ZNF516: variants seen among roughly 807,000 people sequenced by gnomAD.
The protein encoded by ZNF516 is zinc finger protein 516.
ZNF516 carries 19 observed loss-of-function variants against 79.7 expected under a neutral mutation model. The ratio of observed to expected loss-of-function variants is 0.24; its 90% CI spans 0.17 to 0.35. The LOEUF is 0.35. Among genes scored for constraint, ZNF516 ranks in the 10% least tolerant of loss-of-function variants. ZNF516 has a pLI of 1.00. For synonymous variants in ZNF516, 877 were observed against 739.5 expected, an observed-to-expected ratio of 1.19 and a Z score of -3.02; for missense variants, 1,678 against 1,679.5, an observed-to-expected ratio of 1.00 and a Z score of 0.02.
rs373540251 is a variant in ZNF516 at position 76,360,646 on chromosome 18, A to AAAATATATATATAT, written c.*1851_*1852insATATATATATATTT. 3.2e-4 allele frequency: 23 copies of AAAATATATATATAT among 72,456 alleles called. No individual in the cohort carries two copies. The highest frequency in any genetic ancestry group is 4.9e-4 in the Non-Finnish European group (18 of 36,922). The allele number at this position is 72,456 out of a possible 1,614,324, so 4.5% of individuals were successfully genotyped here. A position where few individuals can be genotyped will look rare whatever the true frequency, so the allele number is the denominator to read the frequency against. ...AAAAAAATAAGTAAAAAAAAAAAAA[A>AAAATATATATATAT]ATATATATATATATATATATATATA... On this transcript the variant is annotated 3_prime_UTR_variant, in exon 7 of 7. Transcript: ENST00000443185.
chr18:76,447,095 G>A (rs1401779397), intron 2 of ZNF516, among the ~76,000 whole-genome samples: 2 of 152,176 alleles, frequency 1.3e-5, no homozygotes, highest in East Asian at 3.9e-4. Flanking sequence ...GGGTTACTCA[G>A]TGGCCAAATC....
chr18:76,428,593 A>G (rs1462375448), intron 3 of ZNF516, among the ~76,000 whole-genome samples: 1 of 152,226 alleles, frequency 6.6e-6, no homozygotes, highest in East Asian at 1.9e-4. Context: ...CCACACAGGG[A>G]GATTCCCAAG....
intron 2 of ZNF516, among the ~76,000 whole-genome samples, 173 bp from the exon 3 acceptor site, chr18:76,443,384 T>A (rs950372058): frequency 2.6e-5 from 4 of 152,150 alleles, no homozygotes; most frequent in African/African-American, 7.2e-5. Context: ...TAGTAAAAAA[T>A]CAGTATCACT....
At chr18:76,495,765 G>A, upstream of ZNF516, 1 of 1,155,132 alleles carries the variant, frequency 8.7e-7, no homozygotes, top group South Asian at 1.6e-5. Context: ...CTGAAATGGG[G>A]ACACCCCTTC....
At chr18:76,470,667 T>C (rs1000392028) in intron 1 of ZNF516, among the ~76,000 whole-genome samples, 1 of 152,248 alleles carries the variant, frequency 6.6e-6, no homozygotes, top group African/African-American at 2.4e-5. Flanking sequence ...GGACTTCTTA[T>C]CTATGATTTT....
At chr18:76,421,770 T>C (rs1341218842) in intron 3 of ZNF516, among the ~76,000 whole-genome samples, 1 of 152,230 alleles carries the variant, frequency 6.6e-6, no homozygotes, top group East Asian at 1.9e-4. Context: ...TCTTTGATTT[T>C]ACCTACAGTA....
At chr18:76,401,775 T>A (rs1389165836) in intron 3 of ZNF516, among the ~76,000 whole-genome samples, 9 of 2,710 alleles carry the variant, frequency 3.3e-3, no homozygotes, top group Admixed American at 0.011. Flanking sequence ...GCTCCATCTC[T>A]CCACCAACCA....
rs1442706724 is a variant in ZNF516 at position 76,379,093 on chromosome 18, G to A, written c.3021C>T (p.Ala1007=). 2 of 1,611,320 alleles carry A rather than the reference G, an allele frequency of 1.2e-6. No homozygotes were observed. Among genetic ancestry groups the A allele is most frequent in the Non-Finnish European group, 1.7e-6 (2 of 1,179,644 alleles). Residue 1007 remains alanine (A), a synonymous_variant, in exon 4 of 7, where the codon GCC becomes GCT. Transcript: ENST00000443185. ...AGGTGGCCAGAGTCCTCAGCTCCTGGGCTGCCTTCGAGGGGGGCTCGCGGG... is the reference window on the plus strand; with the variant it reads ...AGGTGGCCAGAGTCCTCAGCTCCTGAGCTGCCTTCGAGGGGGGCTCGCGGG... ...LPPREPPSKA[A]QELRTLATCA... is the part of the protein sequence containing the mutation.
In ZNF516 at chr18:76,403,853, T is replaced by TA. The variant is rs750605267; in HGVS notation, c.1811-23551dup. Among the ~76,000 whole-genome samples the TA allele has an allele frequency of 7.2e-5, 11 of 152,320 alleles. 1 individual carries two copies. The South Asian group carries it at 1.0e-3, about 14-fold the overall frequency. ...CAAAACTAAAAGATGCAGCTGCCAG[T>TA]AATGAAATACTTATGATTTTTAAAA... On this transcript the variant is annotated intron_variant, in intron 3 of 6. Transcript: ENST00000443185.
chr18:76,379,317 G>A lies in ZNF516; in HGVS notation c.2797C>T (p.Pro933Ser), dbSNP rs749196173. 5 of 1,601,764 alleles carry A rather than the reference G, an allele frequency of 3.1e-6. No homozygotes were observed. In the Admixed American group the frequency reaches 5.1e-5, roughly 16 times the overall value. ...GGFSRSATPT[P>S]TVIARAGAQP... ...GCGCCAGCCCGGGCGATGACGGTGG[G>A]CGTAGGGGTGGCGCTCCTGCTGAAG... Residue 933 changes from proline (P) to serine (S), a missense_variant, in exon 4 of 7, where the codon CCC (proline) becomes TCC (serine). Physicochemically the swap from Pro to Ser is moderately conservative, Grantham distance 74. Coordinates refer to ENST00000443185, the MANE Select transcript of ZNF516 (RefSeq NM_014643.4).
chr18:76,375,736 G>A (rs961803784), intron 4 of ZNF516, among the ~76,000 whole-genome samples: 3 of 145,768 alleles, frequency 2.1e-5, no homozygotes, highest in African/African-American at 5.1e-5. Context: ...ACCAGGTAGA[G>A]GATGGATGGG....
At chr18:76,439,094 T>C (rs2075781024) in intron 3 of ZNF516, among the ~76,000 whole-genome samples, 1 of 152,248 alleles carries the variant, frequency 6.6e-6, no homozygotes, top group Non-Finnish European at 1.5e-5. Context: ...GATTTAAATA[T>C]GAGATTCAAA....
intron 2 of ZNF516, among the ~76,000 whole-genome samples, chr18:76,452,576 C>G (rs968559751): frequency 9.2e-5 from 14 of 152,174 alleles, no homozygotes; most frequent in Admixed American, 9.2e-4. Flanking sequence ...AAGTAGGTTA[C>G]CTTTTATGCA....
intron 1 of ZNF516, among the ~76,000 whole-genome samples, chr18:76,470,931 AAG>A (rs1297699602): frequency 1.3e-5 from 2 of 152,194 alleles, no homozygotes; most frequent in Non-Finnish European, 2.9e-5. Context: ...AAAAAGAAAA[AAG>A]AAAAACAGTT....
At chr18:76,480,059 C>T (rs1396453360) in intron 1 of ZNF516, among the ~76,000 whole-genome samples, 1 of 148,626 alleles carries the variant, frequency 6.7e-6, no homozygotes, top group Non-Finnish European at 1.5e-5. Flanking sequence ...GGCGGGGCGC[C>T]CCTAGAGCTA....
chr18:76,402,924 T>G (rs2075250997), intron 3 of ZNF516, among the ~76,000 whole-genome samples: 1 of 152,198 alleles, frequency 6.6e-6, no homozygotes, highest in Non-Finnish European at 1.5e-5. Flanking sequence ...GATCCACTGG[T>G]TGTGCCACAG....
chr18:76,490,654 A>C, intron 1 of ZNF516: 1 of 500,634 alleles, frequency 2.0e-6, no homozygotes, highest in African/African-American at 2.1e-5. Context: ...CCCATGGTGA[A>C]CGTACATCAC....
chr18:76,476,498 T>C (rs1044986391), intron 1 of ZNF516, among the ~76,000 whole-genome samples: 4 of 152,016 alleles, frequency 2.6e-5, no homozygotes, highest in South Asian at 2.1e-4. Flanking sequence ...CATCCAGGAG[T>C]TGCAGGACAG....
intron 3 of ZNF516, among the ~76,000 whole-genome samples, chr18:76,392,548 C>CAGGTGGGAAGGT (rs2075089900): frequency 8.2e-6 from 1 of 121,936 alleles, no homozygotes; most frequent in Non-Finnish European, 1.7e-5. Flanking sequence ...GATGGGAAGG[C>CAGGTGGGAAGGT]AGGTGGCCAC....
Sources: allele counts gnomAD v4.1 joint callset (sites outside exome capture counted in the v4.1 genomes callset), GRCh38; gene constraint gnomAD v4.1.1; transcripts MANE v1.5; gene names NCBI Gene and HGNC (gene_info 2026-07-23, HGNC 2026-07-21).